Variants in FYCO1 observed in about 807,000 individuals in gnomAD.
The protein encoded by FYCO1 is FYVE and coiled-coil domain-containing protein 1.
In FYCO1, 122 loss-of-function variants were observed where a neutral mutation model predicts 165.1. The observed-to-expected ratio is 0.74, with a 90% CI of 0.64 to 0.86. The LOEUF is 0.86. FYCO1 is among the 40% of genes least tolerant of loss of function. The pLI is 0.00. For missense variants in FYCO1, 1,702 were observed against 1,810.3 expected (o/e 0.94, Z 1.09); for synonymous variants, 648 against 742.5 (o/e 0.87, Z 2.07).
intron 11 of FYCO1, among the ~76,000 whole-genome samples, chr3:45,960,479 T>C (rs535067255): frequency 6.6e-6 from 1 of 152,348 alleles, no homozygotes; most frequent in South Asian, 2.1e-4. Context: ...ACTCATTCTC[T>C]GAAGCAGCCT....
intron 15 of FYCO1, among the ~76,000 whole-genome samples, chr3:45,932,504 G>C (rs528093848): frequency 9.9e-5 from 15 of 152,238 alleles, no homozygotes; most frequent in Non-Finnish European, 1.6e-4. Context: ...CTGAGGCAAA[G>C]CCATCATCTT....
intron 14 of FYCO1, among the ~76,000 whole-genome samples, chr3:45,952,525 G>T (rs1705091828): frequency 6.6e-6 from 1 of 152,220 alleles, no homozygotes; most frequent in East Asian, 1.9e-4. Context: ...CACCCTAACA[G>T]AAGTGCAGGG....
At chr3:45,958,740 A>G (rs1705512452) in intron 12 of FYCO1, 121 bp from the exon 13 acceptor site, 4 of 909,840 alleles carry the variant, frequency 4.4e-6, no homozygotes, top group Non-Finnish European at 7.2e-6. Flanking sequence ...TCTGCCCCCA[A>G]GTTAGGATGT....
intron 16 of FYCO1, among the ~76,000 whole-genome samples, chr3:45,930,497 AC>A (rs1295917446): frequency 6.6e-6 from 1 of 152,004 alleles, no homozygotes; most frequent in East Asian, 1.9e-4. Context: ...TCTGGATCCC[AC>A]CCCTAGAGAC....
intron 14 of FYCO1, among the ~76,000 whole-genome samples, chr3:45,938,006 T>C (rs1380653119): frequency 6.6e-6 from 1 of 152,150 alleles, no homozygotes; most frequent in Non-Finnish European, 1.5e-5. Context: ...TTTGCTTTCA[T>C]CCTTGTCCAA....
intron 14 of FYCO1, chr3:45,947,835 A>T: frequency 3.2e-6 from 1 of 312,652 alleles, no homozygotes; most frequent in South Asian, 4.8e-5. Flanking sequence ...TGAAGGTTGA[A>T]GAGGTGAGCA....
chr3:45,922,451 G>A (rs1259302570), intron 17 of FYCO1, among the ~76,000 whole-genome samples: 1 of 152,178 alleles, frequency 6.6e-6, no homozygotes, highest in Non-Finnish European at 1.5e-5. Context: ...ACTCAACTAA[G>A]GGCCGCTGGG....
chr3:45,921,500 T>C lies in FYCO1; in HGVS notation c.*265A>G, dbSNP rs1339966099. On this transcript the variant is annotated 3_prime_UTR_variant, in exon 18 of 18. Coordinates refer to ENST00000296137, the MANE Select transcript of FYCO1 (RefSeq NM_024513.4). ...ATGGTCTCCTGGGTGTTTAAACCTTTGGCAGAGCATCCCTTTGGGTGTGAC... is the reference window on the plus strand; with the variant it reads ...ATGGTCTCCTGGGTGTTTAAACCTTCGGCAGAGCATCCCTTTGGGTGTGAC... 3 of 466,310 alleles carry C rather than the reference T, an allele frequency of 6.4e-6. No homozygotes were observed. Among genetic ancestry groups the C allele is most frequent in the Non-Finnish European group, 1.2e-5 (3 of 252,520 alleles). 28.9% of individuals were successfully genotyped at this position (466,310 alleles called of 1,614,324 possible).
chr3:45,927,293 C>T (rs1281698481), intron 16 of FYCO1, among the ~76,000 whole-genome samples: 1 of 152,204 alleles, frequency 6.6e-6, no homozygotes, highest in Non-Finnish European at 1.5e-5. Flanking sequence ...GAAAACACCT[C>T]TCAAACTTCA....
intron 14 of FYCO1, among the ~76,000 whole-genome samples, chr3:45,944,216 G>A (rs4683155): frequency 0.37 from 51,517 of 140,048 alleles, 10,462 homozygotes; most frequent in East Asian, 0.64. Context: ...GTGTGTGTGT[G>A]TATATATATA....
chr3:45,939,541 G>T (rs954140037), intron 14 of FYCO1, among the ~76,000 whole-genome samples: 3 of 152,218 alleles, frequency 2.0e-5, no homozygotes, highest in Non-Finnish European at 4.4e-5. Flanking sequence ...TAATCCTGCA[G>T]ACTGCCTGCA....
At chr3:45,939,425 T>C (rs774108536) in intron 14 of FYCO1, among the ~76,000 whole-genome samples, 3 of 152,222 alleles carry the variant, frequency 2.0e-5, no homozygotes, top group Admixed American at 6.5e-5. Flanking sequence ...CTCTGAGTCA[T>C]GGTGGAGCCC....
At position 45,964,890 on chromosome 3, in the gene FYCO1, T is replaced by C; in HGVS notation, c.3150+143A>G. ...AGGGAATGGATGGAGGGGGTCAGGG[T>C]ACAAACTAGGGTGTCTACAAAGGTG... On this transcript the variant is annotated intron_variant, in intron 9 of 17. Coordinates refer to ENST00000296137, the MANE Select transcript of FYCO1 (RefSeq NM_024513.4). The surrounding 1 kb of genome is among the most constrained non-coding windows in gnomAD (Gnocchi z 4.1). 1.3e-6 allele frequency: 1 copy of C among 744,766 alleles called. No individual in the cohort carries two copies. Among genetic ancestry groups the C allele is most frequent in the South Asian group, 1.5e-5 (1 of 66,984 alleles). The allele number at this position is 744,766 out of a possible 1,614,324, so 46.1% of individuals were successfully genotyped here.
chr3:45,950,578 C>T lies in FYCO1; in HGVS notation c.3944+4671G>A, dbSNP rs549123661. Among the ~76,000 whole-genome samples, 4 of 152,264 alleles carry T rather than the reference C, an allele frequency of 2.6e-5. No individual in the cohort carries two copies. The South Asian group carries it at 8.3e-4, about 32-fold the overall frequency. On this transcript the variant is annotated intron_variant, in intron 14 of 17. Transcript: ENST00000296137. ...CACTCTGGCCTCCTCCTCCAAGGGGCTCTCAAAGCAGCACCCCCTTCCAGC... is the reference window on the plus strand; with the variant it reads ...CACTCTGGCCTCCTCCTCCAAGGGGTTCTCAAAGCAGCACCCCCTTCCAGC...
rs1706313299 is a variant in FYCO1 at position 45,969,741 on chromosome 3, A to G, written c.564T>C (p.Ser188=). Reference sequence around the variant, plus strand: ...GGCTAGGGGGTTTCCACAGGTAAGCAGAAGAGCCAGTGGTCAGCGTCCTCC... The same window carrying G: ...GGCTAGGGGGTTTCCACAGGTAAGCGGAAGAGCCAGTGGTCAGCGTCCTCC... ...FARRTLTTGS[S]AYLWKPPSRS... Residue 188 remains serine, a synonymous_variant, in exon 7 of 18, where the codon TCT becomes TCC. Coordinates refer to ENST00000296137, the MANE Select transcript of FYCO1 (RefSeq NM_024513.4). 1 of 1,614,056 alleles carries G rather than the reference A, an allele frequency of 6.2e-7. No individual in the cohort carries two copies. Among genetic ancestry groups the G allele is most frequent in the Non-Finnish European group, 8.5e-7 (1 of 1,180,002 alleles).
At chr3:45,926,811 A>G (rs1703339931) in intron 16 of FYCO1, among the ~76,000 whole-genome samples, 1 of 152,202 alleles carries the variant, frequency 6.6e-6, no homozygotes, top group Non-Finnish European at 1.5e-5. Context: ...ATAAAAATAC[A>G]AAATTATCTG....
intron 14 of FYCO1, chr3:45,940,892 G>C (rs1414263225): frequency 6.6e-6 from 1 of 152,088 alleles, no homozygotes; most frequent in East Asian, 1.9e-4. Flanking sequence ...ATTCCCTAGT[G>C]GTAAGACACT....
intron 16 of FYCO1, among the ~76,000 whole-genome samples, chr3:45,926,613 A>G (rs1447408845): frequency 6.6e-6 from 1 of 152,246 alleles, no homozygotes; most frequent in Non-Finnish European, 1.5e-5. Context: ...CAGGAACTCA[A>G]TGAAGAAACA....
chr3:45,967,133 T>G lies in FYCO1; in HGVS notation c.2201A>C (p.Glu734Ala), dbSNP rs1299285695. 6.2e-7 allele frequency: 1 copy of G among 1,613,788 alleles called. No individual in the cohort carries two copies. The highest frequency in any genetic ancestry group is 8.5e-7 in the Non-Finnish European group (1 of 1,179,912). Residue 734 changes from glutamate (E) to alanine (A), a missense_variant, in exon 8 of 18, where the codon GAG becomes GCG. By Grantham distance (107) the Glu-to-Ala change is moderately radical (BLOSUM62 -1). Transcript: ENST00000296137. ...EARHRELRAL[E>A]SQCQQQTQLI... ...CTGGGTCTGCTGCTGGCACTGGCTC[T>G]CGAGAGCCCTAAGCTCTCTGTGCCG...
Sources: gnomAD v4.1 joint callset for allele counts (sites outside exome capture counted in the v4.1 genomes callset) on GRCh38, gnomAD v4.1.1 for gene constraint, Gnocchi (gnomAD v3.1) non-coding constraint, MANE v1.5 for transcripts, NCBI Gene and HGNC (gene_info 2026-07-23, HGNC 2026-07-21) for gene names.